PTPRM: variants seen among roughly 807,000 people sequenced by gnomAD.
The protein encoded by PTPRM is receptor-type tyrosine-protein phosphatase mu.
A neutral mutation model predicts 186.7 loss-of-function variants in PTPRM; 47 were observed. The observed-to-expected ratio is 0.25, with a 90% CI of 0.20 to 0.32. The LOEUF (loss-of-function observed/expected upper bound fraction) is 0.32. Ranked by LOEUF, PTPRM falls within the 10% of genes least tolerant of loss-of-function variation. The pLI is 1.00. For missense variants in PTPRM, 1,494 were observed against 1,865.0 expected, an observed-to-expected ratio of 0.80 and a Z score of 3.66; for synonymous variants, 668 against 674.9, an observed-to-expected ratio of 0.99 and a Z score of 0.16.
intron 1 of PTPRM, among the ~76,000 whole-genome samples, chr18:7,595,848 T>C (rs917957633): frequency 1.3e-5 from 2 of 152,218 alleles, no homozygotes; most frequent in Non-Finnish European, 2.9e-5. Flanking sequence ...ATTATTTACG[T>C]AGAACAAATC....
chr18:7,582,030 A>T (rs1054249731), intron 1 of PTPRM, among the ~76,000 whole-genome samples: 1 of 152,194 alleles, frequency 6.6e-6, no homozygotes, highest in African/African-American at 2.4e-5. Context: ...AATGTGTACA[A>T]ATCTTTTGGT....
chr18:7,895,018 T>G (rs933975460), intron 3 of PTPRM, among the ~76,000 whole-genome samples: 1 of 152,242 alleles, frequency 6.6e-6, no homozygotes, highest in African/African-American at 2.4e-5. Flanking sequence ...TGAATTCTTT[T>G]AAAGGAATTT....
At chr18:7,793,157 G>A (rs1373420937) in intron 2 of PTPRM, among the ~76,000 whole-genome samples, 3 of 151,790 alleles carry the variant, frequency 2.0e-5, no homozygotes, top group East Asian at 1.9e-4. Flanking sequence ...TTATTGAAGT[G>A]TTAGGGTGTG....
chr18:7,933,585 A>G (rs2051617374), intron 5 of PTPRM, among the ~76,000 whole-genome samples: 2 of 152,192 alleles, frequency 1.3e-5, no homozygotes, highest in African/African-American at 4.8e-5. Context: ...CACTGGTACA[A>G]CCGAGCACCT....
At chr18:7,995,161 G>A (rs1182519435) in intron 7 of PTPRM, among the ~76,000 whole-genome samples, 1 of 152,020 alleles carries the variant, frequency 6.6e-6, no homozygotes, top group East Asian at 1.9e-4. Flanking sequence ...AATCATTAGA[G>A]ACTATTAGGA....
At chr18:8,373,191 T>C (rs1015956394) in intron 24 of PTPRM, among the ~76,000 whole-genome samples, 1 of 152,234 alleles carries the variant, frequency 6.6e-6, no homozygotes, top group African/African-American at 2.4e-5. Flanking sequence ...CTTATAGGTT[T>C]TAAACTTTCT....
chr18:8,041,258 A>G (rs752854915), intron 7 of PTPRM, among the ~76,000 whole-genome samples: 3 of 152,198 alleles, frequency 2.0e-5, no homozygotes, highest in Non-Finnish European at 4.4e-5. Context: ...TGGCAACCTT[A>G]AAAGCCTAAG....
intron 1 of PTPRM, among the ~76,000 whole-genome samples, chr18:7,585,316 G>C (rs2036950697): frequency 6.6e-6 from 1 of 152,160 alleles, no homozygotes; most frequent in Non-Finnish European, 1.5e-5. Flanking sequence ...GTTTTCGAAG[G>C]CTGTGGTTAT....
Position 7,568,813 on chromosome 18 carries a change from G to A in PTPRM, c.73+922G>A, listed in dbSNP as rs972477580. ...TGTGGATCGGAGTCGGGGGTCCGGC[G>A]TGGGGGCGAACCCGGCACGCTGTCA... On this transcript the variant is annotated intron_variant, in intron 1 of 32. Transcript: ENST00000580170. This position sits in a 1 kb window ranked among gnomAD's most constrained non-coding sequence, Gnocchi z 5.1. Among the ~76,000 whole-genome samples, 1 of 152,168 alleles carries A rather than the reference G, an allele frequency of 6.6e-6. No homozygotes were observed. The highest frequency in any genetic ancestry group is 2.4e-5 in the African/African-American group (1 of 41,464).
intron 1 of PTPRM, among the ~76,000 whole-genome samples, chr18:7,590,607 T>G (rs1353351865): frequency 2.0e-5 from 3 of 152,206 alleles, no homozygotes; most frequent in East Asian, 3.8e-4. Context: ...GTGGATTAAA[T>G]CCTGGTATAT....
At chr18:7,625,336 T>C (rs1284701259) in intron 1 of PTPRM, among the ~76,000 whole-genome samples, 1 of 152,236 alleles carries the variant, frequency 6.6e-6, no homozygotes, top group Non-Finnish European at 1.5e-5. Flanking sequence ...CTTATCAAAT[T>C]GGATACAAAT....
rs190361218 is a variant in PTPRM, at chr18:7,719,020, A to G, written c.74-55129A>G. Among the ~76,000 whole-genome samples, 377 of 152,362 alleles carry G rather than the reference A, an allele frequency of 2.5e-3. 2 individuals are homozygous for G. Among genetic ancestry groups the G allele is most frequent in the African/African-American group, 8.7e-3 (362 of 41,586 alleles). ...CTAAAGAACTAAAAGTAGATCTACCATTTGATCCGGCAATCCCACTACTGG... is the reference window on the plus strand; with the variant it reads ...CTAAAGAACTAAAAGTAGATCTACCGTTTGATCCGGCAATCCCACTACTGG... On this transcript the variant is annotated intron_variant, in intron 1 of 32. Transcript: ENST00000580170.
chr18:8,197,668 T>G (rs181622363), intron 14 of PTPRM, among the ~76,000 whole-genome samples: 2 of 152,322 alleles, frequency 1.3e-5, no homozygotes, highest in African/African-American at 4.8e-5. Flanking sequence ...GTCCTGTGGC[T>G]TCACTAATAT....
intron 7 of PTPRM, among the ~76,000 whole-genome samples, chr18:7,978,070 A>G (rs980865859): frequency 3.3e-5 from 5 of 152,170 alleles, no homozygotes; most frequent in African/African-American, 9.7e-5. Flanking sequence ...TGTTACCAAC[A>G]CCCTCTGATA....
chr18:8,024,681 C>CTTTT lies in PTPRM; in HGVS notation c.1133-44991_1133-44988dup, dbSNP rs397724573. ...ATTCCAAAGATTTGGAAACCCAAAT[C>CTTTT]TTTTTTTTTTTTTTTTTACTGAGTC... On this transcript the variant is annotated intron_variant, in intron 7 of 32. Transcript: ENST00000580170. Among the ~76,000 whole-genome samples the CTTTT allele has an allele frequency of 8.7e-3, 1,091 of 124,812 alleles. 52 individuals are homozygous for CTTTT. The highest frequency in any genetic ancestry group is 0.028 in the African/African-American group (901 of 32,574). The allele number at this position is 124,812 out of a possible 152,430, so 81.9% of individuals were successfully genotyped here.
At chr18:8,029,347 C>T (rs973849567) in intron 7 of PTPRM, among the ~76,000 whole-genome samples, 2 of 148,064 alleles carry the variant, frequency 1.4e-5, no homozygotes, top group Non-Finnish European at 3.0e-5. Flanking sequence ...CACCCCTCCC[C>T]CACACCTGTC....
intron 14 of PTPRM, among the ~76,000 whole-genome samples, chr18:8,235,648 G>A (rs79448223): frequency 0.027 from 4,089 of 150,578 alleles, 87 homozygotes; most frequent in East Asian, 0.056. Flanking sequence ...TTTAGATTCC[G>A]TAGGTGGGAG....
intron 2 of PTPRM, among the ~76,000 whole-genome samples, chr18:7,870,723 GA>G (rs1445482149): frequency 1.3e-5 from 2 of 152,028 alleles, no homozygotes; most frequent in Non-Finnish European, 2.9e-5. Flanking sequence ...AATCACTGAA[GA>G]TTTTTTTTCC....
chr18:7,793,604 GTTATTT>G (rs1214619239), intron 2 of PTPRM, among the ~76,000 whole-genome samples: 1 of 152,104 alleles, frequency 6.6e-6, no homozygotes, highest in Non-Finnish European at 1.5e-5. Flanking sequence ...CTAAAAGTTG[GTTATTT>G]TCCCCATTCT....
Sources: gnomAD v4.1 joint callset for allele counts (sites outside exome capture counted in the v4.1 genomes callset) on GRCh38, gnomAD v4.1.1 for gene constraint, Gnocchi (gnomAD v3.1) non-coding constraint, MANE v1.5 for transcripts, NCBI Gene and HGNC (gene_info 2026-07-23, HGNC 2026-07-21) for gene names.